CNTNAP2: variants seen among roughly 807,000 people sequenced by gnomAD.
CNTNAP2 encodes the protein contactin-associated protein-like 2.
CNTNAP2 carries 98 observed loss-of-function variants against 155.2 expected under a neutral mutation model. The ratio of observed to expected loss-of-function variants is 0.63; its 90% CI spans 0.54 to 0.75. The LOEUF (loss-of-function observed/expected upper bound fraction) is 0.75, where lower values mean the gene tolerates loss of function less well. CNTNAP2 is among the 30% of genes least tolerant of loss of function. The pLI, the probability that CNTNAP2 is intolerant of heterozygous loss-of-function variation, is 0.00. For missense variants in CNTNAP2, 1,727 were observed against 1,688.1 expected, an observed-to-expected ratio of 1.02 and a Z score of -0.40; for synonymous variants, 651 against 631.2, an observed-to-expected ratio of 1.03 and a Z score of -0.47.
chr7:147,842,056 C>T (rs954904893), intron 13 of CNTNAP2, among the ~76,000 whole-genome samples: 9 of 152,058 alleles, frequency 5.9e-5, no homozygotes, highest in African/African-American at 1.7e-4. Context: ...AAAATAAATA[C>T]ATATGTTTCA....
chr7:147,564,465 C>T (rs775885137), intron 12 of CNTNAP2, among the ~76,000 whole-genome samples: 20 of 151,992 alleles, frequency 1.3e-4, no homozygotes, highest in South Asian at 2.1e-4. Context: ...ATAAGAATCT[C>T]GATTCTGGTT....
chr7:146,943,408 C>T (rs1797095509), intron 3 of CNTNAP2, among the ~76,000 whole-genome samples: 1 of 152,180 alleles, frequency 6.6e-6, no homozygotes, highest in South Asian at 2.1e-4. Flanking sequence ...AAGAGAATCG[C>T]TTAAACCTGG....
At chr7:147,620,538 T>G (rs1028274784) in intron 12 of CNTNAP2, among the ~76,000 whole-genome samples, 1 of 150,304 alleles carries the variant, frequency 6.7e-6, no homozygotes, top group South Asian at 2.1e-4. Flanking sequence ...ATATATTTTT[T>G]AAATTAATTG....
intron 1 of CNTNAP2, among the ~76,000 whole-genome samples, chr7:146,662,687 G>A (rs1262295978): frequency 6.6e-6 from 1 of 151,486 alleles, no homozygotes; most frequent in Non-Finnish European, 1.5e-5. Context: ...TGTAAAAGAT[G>A]TCACAAATAT....
intron 1 of CNTNAP2, among the ~76,000 whole-genome samples, chr7:146,352,169 A>C (rs1474366526): frequency 6.6e-6 from 1 of 152,200 alleles, no homozygotes; most frequent in African/African-American, 2.4e-5. Flanking sequence ...CCATGTATTT[A>C]CATGTTGTAC....
intron 12 of CNTNAP2, among the ~76,000 whole-genome samples, chr7:147,613,846 T>TA (rs1226043966): frequency 2.6e-5 from 4 of 151,976 alleles, no homozygotes; most frequent in Admixed American, 1.3e-4. Flanking sequence ...CCGTTTCCAA[T>TA]AAAAAAAGAA....
intron 1 of CNTNAP2, among the ~76,000 whole-genome samples, chr7:146,526,063 T>G (rs1252053863): frequency 1.3e-5 from 2 of 151,754 alleles, no homozygotes; most frequent in African/African-American, 4.8e-5. Flanking sequence ...GATTTGAAAA[T>G]AAATATATGT....
chr7:148,105,590 T>TTA (rs200928116), intron 15 of CNTNAP2, among the ~76,000 whole-genome samples: 24,699 of 151,678 alleles, frequency 0.16, 5,552 homozygotes, highest in African/African-American at 0.51. Flanking sequence ...TTTTTATTTT[T>TTA]TTTTTTTATT....
At chr7:147,067,412 T>A (rs1799802998) in intron 4 of CNTNAP2, among the ~76,000 whole-genome samples, 2 of 151,784 alleles carry the variant, frequency 1.3e-5, no homozygotes, top group South Asian at 4.1e-4. Context: ...GATTTCAACA[T>A]GAATTTTGGG....
intron 1 of CNTNAP2, among the ~76,000 whole-genome samples, chr7:146,426,274 A>G (rs569500223): frequency 1.3e-5 from 2 of 150,880 alleles, no homozygotes; most frequent in South Asian, 2.1e-4. Flanking sequence ...AGCAGAGCAG[A>G]CATTCAAGCA....
At chr7:146,676,726 G>A (rs1800404690) in intron 1 of CNTNAP2, among the ~76,000 whole-genome samples, 1 of 152,124 alleles carries the variant, frequency 6.6e-6, no homozygotes, top group Admixed American at 6.6e-5. Flanking sequence ...CTTACATGGT[G>A]GCAGGCAAGA....
At chr7:146,187,198 C>T (rs112838881) in intron 1 of CNTNAP2, among the ~76,000 whole-genome samples, 2,327 of 152,192 alleles carry the variant, frequency 0.015, 51 homozygotes, top group African/African-American at 0.052. Context: ...AATATCATCC[C>T]ACCCAACTCT....
At chr7:146,689,990 TATTA>T (rs144319393) in intron 1 of CNTNAP2, among the ~76,000 whole-genome samples, 2,419 of 151,580 alleles carry the variant, frequency 0.016, 65 homozygotes, top group African/African-American at 0.056. Context: ...TTAATATTTT[TATTA>T]ATTTTTTTCA....
chr7:146,691,806 A>C (rs1800701564), intron 1 of CNTNAP2, among the ~76,000 whole-genome samples: 1 of 152,118 alleles, frequency 6.6e-6, no homozygotes, highest in Admixed American at 6.6e-5. Flanking sequence ...TCAAGTTGGC[A>C]TGAATTAAAT....
At chr7:148,301,306 A>AAATATATATATATAT in intron 21 of CNTNAP2, among the ~76,000 whole-genome samples, 3 of 103,866 alleles carry the variant, frequency 2.9e-5, no homozygotes, top group African/African-American at 7.5e-5. Flanking sequence ...AAAAAAAAAA[A>AAATATATATATATAT]ATATATATAT....
At chr7:147,794,715 C>T (rs1375758623) in intron 13 of CNTNAP2, among the ~76,000 whole-genome samples, 1 of 151,084 alleles carries the variant, frequency 6.6e-6, no homozygotes, top group Non-Finnish European at 1.5e-5. Context: ...ACCAGTGAAG[C>T]TTGTACTTTT....
In CNTNAP2 at chr7:146,836,894, G is replaced by A. The variant is rs545244345; in HGVS notation, c.209-2817G>A. Among the ~76,000 whole-genome samples, 7 of 151,716 alleles carry A rather than the reference G, an allele frequency of 4.6e-5. No homozygotes were observed. In the South Asian group the frequency reaches 1.5e-3, roughly 31 times the overall value. On this transcript the variant is annotated intron_variant, in intron 2 of 23. Transcript: ENST00000361727. ...CTGGACATAGAATTTCAGGTTGCCAGCTTTTTTTTTATCTTTCCTTTTCAT... is the reference window on the plus strand; with the variant it reads ...CTGGACATAGAATTTCAGGTTGCCAACTTTTTTTTTATCTTTCCTTTTCAT...
intron 22 of CNTNAP2, among the ~76,000 whole-genome samples, chr7:148,400,283 A>G (rs886541425): frequency 6.6e-6 from 1 of 152,246 alleles, no homozygotes; most frequent in Non-Finnish European, 1.5e-5. Flanking sequence ...CGCCACGCGC[A>G]TTCTGGAAAC....
At chr7:146,826,167 ATATT>A (rs1336124152) in intron 2 of CNTNAP2, among the ~76,000 whole-genome samples, 1 of 152,134 alleles carries the variant, frequency 6.6e-6, no homozygotes, top group African/African-American at 2.4e-5. Flanking sequence ...ACAATAAACT[ATATT>A]TAGTTACTAG....
Sources: allele counts gnomAD v4.1 joint callset (sites outside exome capture counted in the v4.1 genomes callset), GRCh38; gene constraint gnomAD v4.1.1; transcripts MANE v1.5; gene names NCBI Gene and HGNC (gene_info 2026-07-23, HGNC 2026-07-21).